The following PDE1A variants were observed in gnomAD, a reference collection of about 807,000 sequenced individuals.
PDE1A encodes phosphodiesterase 1A.
Under a neutral mutation model 61.7 loss-of-function variants are expected in PDE1A, and 35 were observed. The observed-to-expected ratio is 0.57, with a 90% CI of 0.43 to 0.75. The LOEUF (loss-of-function observed/expected upper bound fraction) is 0.75. PDE1A is among the 30% of genes least tolerant of loss of function. The pLI is 0.00. For synonymous variants in PDE1A, 232 were observed against 213.2 expected (o/e 1.09, Z -0.77); for missense variants, 597 against 630.6 (o/e 0.95, Z 0.57).
At chr2:182,288,690 C>A (rs939464796) in intron 1 of PDE1A, among the ~76,000 whole-genome samples, 2 of 152,018 alleles carry the variant, frequency 1.3e-5, no homozygotes, top group Admixed American at 1.3e-4. Context: ...AATGTAGCAT[C>A]CATGTCAGAC....
intron 2 of PDE1A, among the ~76,000 whole-genome samples, chr2:182,508,038 A>C (rs1260380891): frequency 6.6e-6 from 1 of 152,200 alleles, no homozygotes; most frequent in East Asian, 1.9e-4. Context: ...TATGTGCTTA[A>C]GTTTTGTTAT....
chr2:182,667,012 C>T, the PDE1A span, among the ~76,000 whole-genome samples: 2 of 152,124 alleles, frequency 1.3e-5, no homozygotes, highest in Non-Finnish European at 2.9e-5. Flanking sequence ...ATATTTGGTT[C>T]TGCTGTAGCA....
At chr2:182,415,791 A>G (rs1048349005) in intron 1 of PDE1A, among the ~76,000 whole-genome samples, 3 of 152,098 alleles carry the variant, frequency 2.0e-5, no homozygotes, top group East Asian at 1.9e-4. Context: ...TTCTCTCTCC[A>G]TGTCTAGAAA....
intron 5 of PDE1A, among the ~76,000 whole-genome samples, chr2:182,230,717 T>C (rs1204007955): frequency 6.6e-6 from 1 of 152,154 alleles, no homozygotes; most frequent in Non-Finnish European, 1.5e-5. Flanking sequence ...AGTAGTCATA[T>C]TTCTTTAAGA....
At chr2:182,422,937 T>C (rs1007587518) in intron 1 of PDE1A, among the ~76,000 whole-genome samples, 1 of 152,162 alleles carries the variant, frequency 6.6e-6, no homozygotes, top group Non-Finnish European at 1.5e-5. Flanking sequence ...GTGTTTTCTT[T>C]CCAGAAAATT....
intron 13 of PDE1A, among the ~76,000 whole-genome samples, chr2:182,152,768 A>G (rs1470524011): frequency 4.6e-5 from 7 of 152,080 alleles, no homozygotes; most frequent in African/African-American, 1.7e-4. Context: ...AAGCAGTTGT[A>G]TGTGTTCGTT....
chr2:182,394,380 A>G (rs1235214509), intron 1 of PDE1A, among the ~76,000 whole-genome samples: 1 of 152,092 alleles, frequency 6.6e-6, no homozygotes, highest in Non-Finnish European at 1.5e-5. Flanking sequence ...TATCACCAAA[A>G]CAGCATGGGA....
intron 2 of PDE1A, among the ~76,000 whole-genome samples, chr2:182,248,862 A>G (rs76050870): frequency 6.6e-6 from 1 of 152,328 alleles, no homozygotes; most frequent in African/African-American, 2.4e-5. Flanking sequence ...CTTATAAAGG[A>G]CATGTTTCAC....
chr2:182,572,998 T>C, the PDE1A span, among the ~76,000 whole-genome samples: 4 of 152,176 alleles, frequency 2.6e-5, no homozygotes, highest in East Asian at 5.8e-4. Context: ...CTTTCCTTTT[T>C]AGAGGAATTC....
chr2:182,576,835 C>T, the PDE1A span, among the ~76,000 whole-genome samples: 2 of 152,054 alleles, frequency 1.3e-5, no homozygotes, highest in Non-Finnish European at 2.9e-5. Context: ...TGACTTCAAT[C>T]GACATTTCTG....
In PDE1A at chr2:182,212,791, T is replaced by C. The variant is rs555715100; in HGVS notation, c.777-6726A>G. On this transcript the variant is annotated intron_variant, in intron 7 of 13. Coordinates refer to ENST00000351439, the Ensembl canonical transcript of PDE1A. ...ATGCCCACAGAGTCTCGCTGATTGC[T>C]AGCACAGCAGTCTGAGATCAAACTG... 3.9e-5 allele frequency among the ~76,000 whole-genome samples: 6 copies of C among 152,322 alleles called. No homozygotes were observed. The South Asian group carries it at 1.2e-3, about 32-fold the overall frequency.
At chr2:182,449,539 A>T (rs777596294) in intron 2 of PDE1A, among the ~76,000 whole-genome samples, 2 of 152,044 alleles carry the variant, frequency 1.3e-5, no homozygotes, top group Non-Finnish European at 2.9e-5. Context: ...TATTGTCAAC[A>T]ACATTTCAAG....
intron 1 of PDE1A, among the ~76,000 whole-genome samples, chr2:182,265,087 G>A (rs924309295): frequency 4.0e-5 from 6 of 151,288 alleles, no homozygotes; most frequent in African/African-American, 1.5e-4. Context: ...ATAATATAAT[G>A]GACTTTGGGG....
intron 10 of PDE1A, among the ~76,000 whole-genome samples, chr2:182,194,916 C>T (rs1228879212): frequency 5.5e-5 from 8 of 144,622 alleles, no homozygotes; most frequent in African/African-American, 2.0e-4. Flanking sequence ...CACACACACA[C>T]ACGAACCTTT....
intron 13 of PDE1A, among the ~76,000 whole-genome samples, chr2:182,169,938 A>ACACACACACC (rs1393866906): frequency 3.2e-5 from 3 of 92,760 alleles, no homozygotes; most frequent in African/African-American, 1.2e-4. Context: ...ACACACACAC[A>ACACACACACC]CTCTCCCTCT....
chr2:182,465,941 T>G (rs1054731390), intron 2 of PDE1A, among the ~76,000 whole-genome samples: 2 of 152,046 alleles, frequency 1.3e-5, no homozygotes, highest in African/African-American at 4.8e-5. Flanking sequence ...CAAAAAATAT[T>G]TGTAAAAATA....
chr2:182,383,199 T>A (rs1420650124), intron 1 of PDE1A, among the ~76,000 whole-genome samples: 1 of 152,190 alleles, frequency 6.6e-6, no homozygotes, highest in African/African-American at 2.4e-5. Flanking sequence ...TCTATCCAAT[T>A]TCCACCCATA....
intron 1 of PDE1A, among the ~76,000 whole-genome samples, chr2:182,393,234 C>G (rs1202042845): frequency 2.0e-5 from 3 of 152,342 alleles, no homozygotes; most frequent in African/African-American, 7.2e-5. Flanking sequence ...CGCCCAACAC[C>G]ATGTGTAAGC....
chr2:182,368,182 A>G (rs575894390), intron 1 of PDE1A, among the ~76,000 whole-genome samples: 1 of 152,282 alleles, frequency 6.6e-6, no homozygotes, highest in East Asian at 1.9e-4. Context: ...TCATTAACAG[A>G]TGACACTTTT....
Sources: gnomAD v4.1 joint callset for allele counts (sites outside exome capture counted in the v4.1 genomes callset) on GRCh38, gnomAD v4.1.1 for gene constraint, MANE v1.5 for transcripts, NCBI Gene and HGNC (gene_info 2026-07-23, HGNC 2026-07-21) for gene names.